Variants in SNCAIP observed in about 807,000 individuals in gnomAD.
The protein encoded by SNCAIP is synuclein alpha interacting protein, also known as synphilin-1.
In SNCAIP, 43 loss-of-function variants were observed where a neutral mutation model predicts 86.7. That is an observed-to-expected ratio of 0.50 (90% confidence interval 0.39 to 0.64). The LOEUF (loss-of-function observed/expected upper bound fraction) is 0.64. Among genes scored for constraint, SNCAIP ranks in the 30% least tolerant of loss-of-function variants. The pLI, the probability that SNCAIP is intolerant of heterozygous loss-of-function variation, is 0.00. For missense variants in SNCAIP, 981 were observed against 1,103.1 expected (o/e 0.89, Z 1.57); for synonymous variants, 417 against 427.2 (o/e 0.98, Z 0.29).
chr5:122,328,445 A>G (rs1390162961), intron 1 of SNCAIP, among the ~76,000 whole-genome samples: 1 of 152,224 alleles, frequency 6.6e-6, no homozygotes, highest in South Asian at 2.1e-4. Context: ...TCAAAAAATT[A>G]TCCATAAATA....
At chr5:122,341,613 C>A (rs1354004716) in intron 1 of SNCAIP, among the ~76,000 whole-genome samples, 2 of 152,198 alleles carry the variant, frequency 1.3e-5, no homozygotes, top group South Asian at 2.1e-4. Flanking sequence ...GTACAGAGAA[C>A]CTCCAGTTTA....
intron 8 of SNCAIP, 54 bp downstream of exon 8, chr5:122,444,786 T>G: frequency 6.9e-7 from 1 of 1,451,018 alleles, no homozygotes; most frequent in Non-Finnish European, 9.7e-7. Context: ...ATTGTTGTAC[T>G]TAGGCTTCAG....
At chr5:122,324,724 T>G (rs1300057516) in intron 1 of SNCAIP, among the ~76,000 whole-genome samples, 1 of 152,240 alleles carries the variant, frequency 6.6e-6, no homozygotes, top group Admixed American at 6.5e-5. Context: ...GTTTCACTGC[T>G]CAGCCACTAG....
chr5:122,315,699 T>C (rs1165792631), intron 1 of SNCAIP, among the ~76,000 whole-genome samples: 1 of 152,180 alleles, frequency 6.6e-6, no homozygotes, highest in Non-Finnish European at 1.5e-5. Flanking sequence ...TTTTTTTCTA[T>C]AAACCCCAGG....
intron 1 of SNCAIP, among the ~76,000 whole-genome samples, chr5:122,356,299 G>A (rs781004691): frequency 6.6e-6 from 1 of 151,748 alleles, no homozygotes; most frequent in African/African-American, 2.4e-5. Flanking sequence ...GATAATTTTT[G>A]TAGTGACAAG....
At chr5:122,334,397 C>A (rs992644714) in intron 1 of SNCAIP, among the ~76,000 whole-genome samples, 5 of 152,154 alleles carry the variant, frequency 3.3e-5, no homozygotes, top group African/African-American at 9.7e-5. Flanking sequence ...GAGGCTTATA[C>A]CATATTGCCT....
intron 8 of SNCAIP, among the ~76,000 whole-genome samples, chr5:122,448,958 G>C (rs1253252621): frequency 2.0e-5 from 3 of 150,980 alleles, no homozygotes; most frequent in African/African-American, 7.3e-5. Flanking sequence ...GGAGCTTCCA[G>C]TGAGCCGAGA....
intron 5 of SNCAIP, among the ~76,000 whole-genome samples, chr5:122,429,175 A>C (rs1777915696): frequency 2.0e-5 from 3 of 151,962 alleles, no homozygotes; most frequent in Admixed American, 1.3e-4. Context: ...AGCAGCACTT[A>C]GAGGGAGATT....
chr5:122,356,414 T>A (rs1254761821), intron 1 of SNCAIP, among the ~76,000 whole-genome samples: 3 of 152,170 alleles, frequency 2.0e-5, no homozygotes, highest in African/African-American at 7.2e-5. Flanking sequence ...CCATACCTGG[T>A]CATTAGCTTC....
intron 1 of SNCAIP, among the ~76,000 whole-genome samples, chr5:122,380,354 G>C (rs182086052): frequency 1.3e-5 from 2 of 152,254 alleles, no homozygotes; most frequent in Admixed American, 1.3e-4. Flanking sequence ...TTCTCTGATG[G>C]TAGTTTGGAT....
chr5:122,319,201 A>G (rs1280100892), intron 1 of SNCAIP, among the ~76,000 whole-genome samples: 2 of 151,868 alleles, frequency 1.3e-5, no homozygotes, highest in African/African-American at 2.4e-5. Context: ...ATAAAACATT[A>G]TAGCTGCCTT....
Position 122,423,504 on chromosome 5 carries a change from A to G in SNCAIP, c.767A>G (p.Lys256Arg). 6.2e-7 allele frequency: 1 copy of G among 1,614,190 alleles called. No homozygotes were observed. The highest frequency in any genetic ancestry group is 1.1e-5 in the South Asian group (1 of 91,088). The change falls in exon 4 of 11, where the codon AAA becomes AGA. Residue 256 changes from lysine to arginine, a missense_variant. Transcript: ENST00000261368. ...GSAYEPENQS[K>R]DFLNKTFSDP... is the part of the protein sequence containing the mutation. ...GCATATGAGCCTGAAAACCAGAGTA[A>G]AGACTTCCTAAACAAGACATTTAGT...
At chr5:122,403,717 G>A in intron 2 of SNCAIP, 76 bp from the exon 3 acceptor site, 1 of 1,166,116 alleles carries the variant, frequency 8.6e-7, no homozygotes, top group Non-Finnish European at 1.3e-6. Context: ...ATTGTGTTTT[G>A]TTTTTCTGGC....
intron 2 of SNCAIP, among the ~76,000 whole-genome samples, chr5:122,392,642 G>A (rs1381107519): frequency 6.6e-6 from 1 of 152,166 alleles, no homozygotes; most frequent in Non-Finnish European, 1.5e-5. Context: ...ATGATGTTGT[G>A]TTTTAAAAGC....
chr5:122,423,687 A>C lies in SNCAIP; in HGVS notation c.950A>C (p.Lys317Thr). 1 of 1,606,868 alleles carries C rather than the reference A, an allele frequency of 6.2e-7. No individual in the cohort carries two copies. Among genetic ancestry groups the C allele is most frequent in the Non-Finnish European group, 8.5e-7 (1 of 1,179,896 alleles). Residue 317 changes from lysine (K) to threonine (T), a missense_variant, in exon 4 of 11, where the codon AAA becomes ACA. Lys to Thr is a moderately conservative substitution (Grantham distance 78). Transcript: ENST00000261368. Reference sequence around the variant, plus strand: ...CCAGAAGAAAGGAGTGAGTATCTGAAAAAAGTGAAAAGCATCTTGAACATT... The same window carrying C: ...CCAGAAGAAAGGAGTGAGTATCTGACAAAAGTGAAAAGCATCTTGAACATT... The part of the protein sequence containing the change: ...QGPEERSEYL[K>T]KVKSILNIVK...
intron 1 of SNCAIP, among the ~76,000 whole-genome samples, chr5:122,352,834 A>G (rs1044517769): frequency 6.6e-6 from 1 of 152,112 alleles, no homozygotes; most frequent in African/African-American, 2.4e-5. Flanking sequence ...GCACAGTGAG[A>G]CCCTCATCTC....
chr5:122,423,407 G>C lies in SNCAIP; in HGVS notation c.670G>C (p.Val224Leu). 6.2e-7 allele frequency: 1 copy of C among 1,613,776 alleles called. No individual in the cohort carries two copies. The highest frequency in any genetic ancestry group is 8.5e-7 in the Non-Finnish European group (1 of 1,179,772). ...CCCTCACTTGAGAAAAGCATCAGCT[G>C]TCATCCACGACCAGCACAAGCTGTC... The part of the protein sequence containing the change: ...KSPHLRKASA[V>L]IHDQHKLSTE... The change falls in exon 4 of 11, where the codon GTC (valine) becomes CTC (leucine). Residue 224 changes from valine (V) to leucine (L), a missense_variant. By Grantham distance (32) the Val-to-Leu change is conservative (BLOSUM62 1). Coordinates refer to ENST00000261368, the MANE Select transcript of SNCAIP (RefSeq NM_005460.4).
At chr5:122,408,355 G>A (rs550803018) in intron 3 of SNCAIP, among the ~76,000 whole-genome samples, 13 of 152,128 alleles carry the variant, frequency 8.5e-5, no homozygotes, top group African/African-American at 1.2e-4. Context: ...GTGGCCCTTG[G>A]AAGCCCCTCT....
Position 122,449,884 on chromosome 5 carries a change from A to T in SNCAIP, c.1632A>T (p.Gln544His). ...VERVTLQNQLQQFLEAQKSEG... is the reference protein window; with the variant it reads ...VERVTLQNQLHQFLEAQKSEG... Reference sequence around the variant, plus strand: ...GTGTCACGCTGCAGAACCAACTCCAACAATTTCTAGAAGCCCAGAAATCAG... The same window carrying T: ...GTGTCACGCTGCAGAACCAACTCCATCAATTTCTAGAAGCCCAGAAATCAG... Residue 544 changes from glutamine to histidine, a missense_variant, in exon 9 of 11, where the codon CAA becomes CAT. Gln to His is a conservative substitution (Grantham distance 24). Transcript: ENST00000261368. The T allele has an allele frequency of 6.2e-7, 1 of 1,614,044 alleles. No homozygotes were observed. Among genetic ancestry groups the T allele is most frequent in the South Asian group, 1.1e-5 (1 of 91,082 alleles).
Sources: gnomAD v4.1 joint callset for allele counts (sites outside exome capture counted in the v4.1 genomes callset) on GRCh38, gnomAD v4.1.1 for gene constraint, MANE v1.5 for transcripts, NCBI Gene and HGNC (gene_info 2026-07-23, HGNC 2026-07-21) for gene names.